Variants in NOD2 observed in about 807,000 individuals in gnomAD.
The protein encoded by NOD2 is nucleotide binding oligomerization domain containing 2, also known as nucleotide-binding oligomerization domain-containing protein 2.
In NOD2, 86 loss-of-function variants were observed where a neutral mutation model predicts 90.9. That is an observed-to-expected ratio of 0.95 (90% confidence interval 0.79 to 1.13). The LOEUF (loss-of-function observed/expected upper bound fraction) is 1.13, where lower values mean the gene tolerates loss of function less well. Ranked by LOEUF, NOD2 falls within the 50% of genes most tolerant of loss-of-function variation. NOD2 has a pLI of 0.00. For missense variants in NOD2, 1,238 were observed against 1,283.8 expected (o/e 0.96, Z 0.55); for synonymous variants, 581 against 554.6 (o/e 1.05, Z -0.67).
Position 50,712,169 on chromosome 16 carries a change from G to A in NOD2, c.2177G>A (p.Arg726Gln), listed in dbSNP as rs774888496. The A allele has an allele frequency of 5.1e-5, 83 of 1,613,904 alleles. 1 individual carries two copies. The South Asian group carries it at 7.8e-4, about 15-fold the overall frequency. ...AGCCTGTACGAGATGCAGGAGGAGC[G>A]GCTGGCTCGGAAGGCTGCACGTGGC... ...IRSLYEMQEERLARKAARGLN... is the reference protein window; with the variant it reads ...IRSLYEMQEEQLARKAARGLN... Residue 726 changes from arginine (R) to glutamine (Q), a missense_variant, in exon 4 of 12, where the codon CGG becomes CAG. By Grantham distance (43) the Arg-to-Gln change is conservative (BLOSUM62 1). This residue lies in a region of NOD2 where 667 missense variants were observed against 688.7 expected (regional missense o/e 0.97). Coordinates refer to ENST00000647318, the MANE Select transcript of NOD2 (RefSeq NM_001370466.1).
chr16:50,718,379 C>T (rs1229761315), intron 6 of NOD2, among the ~76,000 whole-genome samples: 9 of 152,174 alleles, frequency 5.9e-5, no homozygotes, highest in Admixed American at 1.3e-4. Context: ...ATGCGCTGGA[C>T]GGGGGGCTGA....
intron 6 of NOD2, among the ~76,000 whole-genome samples, chr16:50,719,125 T>C (rs1339166095): frequency 6.6e-6 from 1 of 152,136 alleles, no homozygotes; most frequent in Non-Finnish European, 1.5e-5. Context: ...GCGAGGATGT[T>C]AGATTTTGGA....
chr16:50,717,968 C>A (rs183640762), intron 6 of NOD2, among the ~76,000 whole-genome samples: 2 of 152,238 alleles, frequency 1.3e-5, no homozygotes, highest in Non-Finnish European at 2.9e-5. Flanking sequence ...TTCCCAATAC[C>A]TACACACCTG....
chr16:50,715,913 T>C (rs565767452), intron 4 of NOD2, among the ~76,000 whole-genome samples: 3 of 152,100 alleles, frequency 2.0e-5, no homozygotes, highest in Non-Finnish European at 2.9e-5. Context: ...CGCAGATACT[T>C]GATTGCCAGC....
intron 4 of NOD2, among the ~76,000 whole-genome samples, chr16:50,713,836 C>T (rs1044039983): frequency 8.5e-5 from 13 of 152,154 alleles, no homozygotes; most frequent in African/African-American, 2.2e-4. Flanking sequence ...TCCTGGCCAG[C>T]GCCTTCCACC....
chr16:50,719,639 C>A, intron 6 of NOD2: 1 of 559,788 alleles, frequency 1.8e-6, no homozygotes, highest in South Asian at 1.6e-5. Context: ...CTCGCTGTCC[C>A]GGGGAAACCA....
At chr16:50,722,342 G>A (rs1965097231) in intron 7 of NOD2, among the ~76,000 whole-genome samples, 1 of 152,220 alleles carries the variant, frequency 6.6e-6, no homozygotes, top group Non-Finnish European at 1.5e-5. Flanking sequence ...TTGTCAGTGA[G>A]TTCCTGTCCT....
intron 2 of NOD2, among the ~76,000 whole-genome samples, 183 bp from the exon 3 acceptor site, chr16:50,707,672 G>A (rs1964260045): frequency 6.6e-6 from 1 of 152,154 alleles, no homozygotes; most frequent in Admixed American, 6.5e-5. Flanking sequence ...TTGGATGCAT[G>A]CGTTCAATTC....
chr16:50,727,106 C>A (rs189769053), intron 10 of NOD2, among the ~76,000 whole-genome samples: 80 of 149,856 alleles, frequency 5.3e-4, no homozygotes, highest in African/African-American at 1.9e-3. Context: ...CACCATTGCA[C>A]CCTAGACTGG....
At position 50,718,179 on chromosome 16, in the gene NOD2, G is replaced by A. The variant is rs563635304; in HGVS notation, c.2549+1205G>A. Among the ~76,000 whole-genome samples, 7 of 152,332 alleles carry A rather than the reference G, an allele frequency of 4.6e-5. No individual in the cohort carries two copies. In the East Asian group the frequency reaches 9.7e-4, roughly 21 times the overall value. On this transcript the variant is annotated intron_variant, in intron 6 of 11. Transcript: ENST00000647318. ...TGGTGGTAAAATGCCTGTGTGATGG[G>A]AGGAAGTGAGGTGGATGACGCATGC...
intron 7 of NOD2, among the ~76,000 whole-genome samples, chr16:50,721,052 G>T (rs1047724638): frequency 6.6e-6 from 1 of 151,550 alleles, no homozygotes; most frequent in East Asian, 2.0e-4. Flanking sequence ...TGATCCGCCC[G>T]CCTCGGCCTC....
rs527457752 is a variant in NOD2 at position 50,694,981 on chromosome 16, C to T, written c.-9+1319C>T. Among the ~76,000 whole-genome samples, 8 of 152,176 alleles carry T rather than the reference C, an allele frequency of 5.3e-5. No homozygotes were observed. The South Asian group carries it at 1.7e-3, about 32-fold the overall frequency. On this transcript the variant is annotated intron_variant, in intron 1 of 11. Coordinates refer to ENST00000647318, the MANE Select transcript of NOD2 (RefSeq NM_001370466.1). ...ACCAGGGAAGGCTTCCCCAAGACCA[C>T]GATAGCTGGGCAAAGTCATAAGGAA... is the stretch of plus-strand genomic sequence containing the variant.
intron 1 of NOD2, chr16:50,696,369 C>T (rs1261299511): frequency 1.3e-5 from 2 of 152,204 alleles, no homozygotes; most frequent in African/African-American, 4.8e-5. Context: ...CTACATGGGC[C>T]TCACCTTGGG....
chr16:50,727,980 T>C (rs1965324774), intron 10 of NOD2: 1 of 263,372 alleles, frequency 3.8e-6, no homozygotes, highest in African/African-American at 2.2e-5. Flanking sequence ...GCCAGTTGTA[T>C]AAAATCCACT....
At position 50,723,350 on chromosome 16, in the gene NOD2, A is replaced by C. The variant is rs527892258; in HGVS notation, c.2767A>C (p.Met923Leu). 3.6e-5 allele frequency: 58 copies of C among 1,613,840 alleles called. No individual in the cohort carries two copies. The Admixed American group carries it at 7.2e-4, about 20-fold the overall frequency. Residue 923 changes from methionine (M) to leucine (L), a missense_variant, in exon 9 of 12, where the codon ATG (methionine) becomes CTG (leucine). Physicochemically the swap from Met to Leu is conservative, Grantham distance 15. Coordinates refer to ENST00000647318, the MANE Select transcript of NOD2 (RefSeq NM_001370466.1). ...TGTGGGTGCCCAAGCCTTGGCACTG[A>C]TGCTGGCAAAGAACGTCATGCTAGA... ...GSVGAQALAL[M>L]LAKNVMLEEL... is the part of the protein sequence containing the mutation.
chr16:50,699,451 T>C, intron 1 of NOD2, 37 bp from the exon 2 acceptor site: 1 of 1,590,032 alleles, frequency 6.3e-7, no homozygotes, highest in Non-Finnish European at 8.6e-7. Context: ...ATCTGGCTTC[T>C]GGAGAAGTCC....
At chr16:50,723,085 TAAAAAA>T (rs11292073) in intron 8 of NOD2, among the ~76,000 whole-genome samples, 4 of 116,950 alleles carry the variant, frequency 3.4e-5, no homozygotes, top group African/African-American at 1.3e-4. Context: ...CTAAAAAAGC[TAAAAAA>T]AAAAAAAAAA....
intron 11 of NOD2, 38 bp from the exon 12 acceptor site, chr16:50,731,709 G>T: frequency 7.0e-7 from 1 of 1,424,018 alleles, no homozygotes; most frequent in Non-Finnish European, 9.9e-7. Context: ...CTCTAATTTT[G>T]TCCTCACTCA....
chr16:50,697,572 C>A, intron 1 of NOD2: 1 of 563,600 alleles, frequency 1.8e-6, no homozygotes, highest in Non-Finnish European at 3.2e-6. Flanking sequence ...GCTTATTCTA[C>A]CCTTTTTTGT....
Sources: gnomAD v4.1 joint callset for allele counts (sites outside exome capture counted in the v4.1 genomes callset) on GRCh38, gnomAD v4.1.1 for gene constraint, gnomAD v4.1.1 regional missense constraint, MANE v1.5 for transcripts, NCBI Gene and HGNC (gene_info 2026-07-23, HGNC 2026-07-21) for gene names.